The following KCND2 variants were observed in gnomAD, a reference collection of about 807,000 sequenced individuals.
The protein encoded by KCND2 is A-type voltage-gated potassium channel KCND2.
A neutral mutation model predicts 54.4 loss-of-function variants in KCND2; 16 were observed. The ratio of observed to expected loss-of-function variants is 0.29; its 90% confidence interval spans 0.20 to 0.45. KCND2 has a LOEUF of 0.45. Ranked by LOEUF, KCND2 falls within the 20% of genes least tolerant of loss-of-function variation. The probability of loss-of-function intolerance (pLI) is 1.00; values close to 1 mark genes in which losing one functional copy is unlikely to be tolerated. For synonymous variants in KCND2, 317 were observed against 310.7 expected, an observed-to-expected ratio of 1.02 and a Z score of -0.21; for missense variants, 486 against 824.2, an observed-to-expected ratio of 0.59 and a Z score of 5.02.
intron 1 of KCND2, among the ~76,000 whole-genome samples, chr7:120,564,324 G>T (rs1382160872): frequency 6.6e-6 from 1 of 152,094 alleles, no homozygotes; most frequent in Admixed American, 6.6e-5. Flanking sequence ...CCATATTCCA[G>T]ATTTGAGCTT....
chr7:120,574,643 G>C, intron 1 of KCND2, among the ~76,000 whole-genome samples: 1 of 151,932 alleles, frequency 6.6e-6, no homozygotes, highest in South Asian at 2.1e-4. Flanking sequence ...TTACTCTCAG[G>C]GATTGTTTTT....
intron 1 of KCND2, among the ~76,000 whole-genome samples, chr7:120,400,749 G>T (rs917555714): frequency 1.3e-5 from 2 of 152,058 alleles, no homozygotes; most frequent in African/African-American, 4.8e-5. Context: ...AATTCAGTAG[G>T]CTATGCAGTC....
At chr7:120,586,754 G>C (rs1792605485) in intron 1 of KCND2, among the ~76,000 whole-genome samples, 1 of 152,070 alleles carries the variant, frequency 6.6e-6, no homozygotes, top group Admixed American at 6.5e-5. Flanking sequence ...AGCATTTTAA[G>C]TAGGTGTTAT....
intron 1 of KCND2, among the ~76,000 whole-genome samples, chr7:120,460,071 T>C (rs1802261966): frequency 1.3e-5 from 2 of 152,168 alleles, no homozygotes; most frequent in African/African-American, 4.8e-5. Context: ...AGGAAATGCT[T>C]TCCTTGCTCC....
chr7:120,659,616 G>A (rs189987665), intron 1 of KCND2, among the ~76,000 whole-genome samples: 2 of 152,246 alleles, frequency 1.3e-5, no homozygotes, highest in Admixed American at 1.3e-4. Flanking sequence ...CAGGAGTAGA[G>A]AATACTAAGT....
At chr7:120,586,144 A>G (rs1383024181) in intron 1 of KCND2, among the ~76,000 whole-genome samples, 1 of 152,014 alleles carries the variant, frequency 6.6e-6, no homozygotes, top group East Asian at 1.9e-4. Flanking sequence ...TAAAACACAC[A>G]GTAGCTGTAT....
intron 1 of KCND2, among the ~76,000 whole-genome samples, chr7:120,432,284 T>A (rs1801802683): frequency 6.6e-6 from 1 of 152,212 alleles, no homozygotes. Context: ...GAATGACACC[T>A]TGTGTTTTCA....
At chr7:120,742,635 C>A in intron 4 of KCND2, 33 bp downstream of exon 4, 1 of 1,501,338 alleles carries the variant, frequency 6.7e-7, no homozygotes, top group South Asian at 1.1e-5. Context: ...TTCCCTTGCT[C>A]TCTGACAGTA....
chr7:120,371,832 A>C lies in KCND2; in HGVS notation c.1115+96085A>C, dbSNP rs533198833. Among the ~76,000 whole-genome samples the C allele has an allele frequency of 9.2e-5, 14 of 152,106 alleles. No individual in the cohort carries two copies. In the East Asian group the frequency reaches 2.7e-3, roughly 30 times the overall value. On this transcript the variant is annotated intron_variant, in intron 1 of 5. Transcript: ENST00000331113. ...ATACCATACAGCCTAGGTGTCTAGT[A>C]GGCTACAAACTCTATGTTTGTGTAT...
In KCND2 at chr7:120,466,389, GGC is replaced by G. The variant is rs1403604920; in HGVS notation, c.1115+190643_1115+190644del. Among the ~76,000 whole-genome samples the G allele has an allele frequency of 6.6e-5, 10 of 152,212 alleles. 1 individual carries two copies. The East Asian group carries it at 1.9e-3, about 29-fold the overall frequency. ...GATTTGAAAAAAACTAAAATAGGTT[GGC>G]AGCCAGTGATAGCATAGCCAATGAT... is the stretch of plus-strand genomic sequence containing the variant. On this transcript the variant is annotated intron_variant, in intron 1 of 5. Coordinates refer to ENST00000331113, the MANE Select transcript of KCND2 (RefSeq NM_012281.3).
chr7:120,621,303 A>AAAAAAAAAAAAAAAAAAAC (rs1793095800), intron 1 of KCND2, among the ~76,000 whole-genome samples: 1 of 142,018 alleles, frequency 7.0e-6, no homozygotes, highest in African/African-American at 2.7e-5. Context: ...AAAAAAAAAA[A>AAAAAAAAAAAAAAAAAAAC]AGAACCATAT....
chr7:120,489,425 G>T (rs566600033), intron 1 of KCND2, among the ~76,000 whole-genome samples: 32 of 152,114 alleles, frequency 2.1e-4, no homozygotes, highest in African/African-American at 7.2e-4. Context: ...CATTCACTCA[G>T]TTGTTGGAGT....
At chr7:120,439,179 A>C (rs1240893130) in intron 1 of KCND2, among the ~76,000 whole-genome samples, 1 of 152,044 alleles carries the variant, frequency 6.6e-6, no homozygotes, top group Non-Finnish European at 1.5e-5. Flanking sequence ...TTTATATTAT[A>C]TGTTCCCTGT....
intron 1 of KCND2, among the ~76,000 whole-genome samples, chr7:120,329,920 A>T (rs1450183665): frequency 1.3e-5 from 2 of 152,208 alleles, no homozygotes; most frequent in East Asian, 3.9e-4. Flanking sequence ...ATTATTCATG[A>T]CTTTAAAAGT....
At chr7:120,637,735 T>C (rs1793322694) in intron 1 of KCND2, among the ~76,000 whole-genome samples, 1 of 152,254 alleles carries the variant, frequency 6.6e-6, no homozygotes, top group South Asian at 2.1e-4. Context: ...TTGGAAAATA[T>C]GTTCTTCACA....
intron 1 of KCND2, among the ~76,000 whole-genome samples, chr7:120,359,833 G>A (rs1800568408): frequency 6.6e-6 from 1 of 152,052 alleles, no homozygotes; most frequent in Non-Finnish European, 1.5e-5. Flanking sequence ...GTGATAGTGA[G>A]TGAGTTCTCA....
intron 1 of KCND2, among the ~76,000 whole-genome samples, chr7:120,371,065 T>C (rs1276171410): frequency 1.3e-5 from 2 of 152,062 alleles, no homozygotes; most frequent in East Asian, 3.9e-4. Flanking sequence ...GCAGTCCTTG[T>C]CTTGGGACAT....
intron 1 of KCND2, among the ~76,000 whole-genome samples, chr7:120,675,294 G>A (rs192663389): frequency 1.1e-4 from 16 of 152,196 alleles, no homozygotes; most frequent in Non-Finnish European, 1.9e-4. Context: ...GTGCAGTGGC[G>A]TGATCTCAGC....
At chr7:120,474,436 C>G (rs1213063562) in intron 1 of KCND2, among the ~76,000 whole-genome samples, 1 of 152,060 alleles carries the variant, frequency 6.6e-6, no homozygotes, top group Non-Finnish European at 1.5e-5. Context: ...CTCCCGGGTT[C>G]AAGCAATTCC....
Sources: allele counts gnomAD v4.1 joint callset (sites outside exome capture counted in the v4.1 genomes callset), GRCh38; gene constraint gnomAD v4.1.1; transcripts MANE v1.5; gene names NCBI Gene and HGNC (gene_info 2026-07-23, HGNC 2026-07-21).